The following KIAA1217 variants were observed in gnomAD, a reference collection of about 807,000 sequenced individuals.
KIAA1217 encodes KIAA1217, also known as sickle tail protein homolog.
Under a neutral mutation model 163.9 loss-of-function variants are expected in KIAA1217, and 88 were observed. The ratio of observed to expected loss-of-function variants is 0.54; its 90% CI spans 0.45 to 0.64. The LOEUF is 0.64. Ranked by LOEUF, KIAA1217 falls within the 30% of genes least tolerant of loss-of-function variation. The pLI is 0.00. For synonymous variants in KIAA1217, 903 were observed against 923.1 expected, an observed-to-expected ratio of 0.98 and a Z score of 0.39; for missense variants, 2,372 against 2,475.0, an observed-to-expected ratio of 0.96 and a Z score of 0.88.
At chr10:23,896,472 TAGAG>T (rs1369460918) in intron 1 of KIAA1217, among the ~76,000 whole-genome samples, 1 of 152,084 alleles carries the variant, frequency 6.6e-6, no homozygotes, top group Non-Finnish European at 1.5e-5. Flanking sequence ...AGGTGACTGA[TAGAG>T]ATCTTTCTGG....
At chr10:23,973,951 C>T in intron 1 of KIAA1217, among the ~76,000 whole-genome samples, 1 of 152,106 alleles carries the variant, frequency 6.6e-6, no homozygotes, top group East Asian at 1.9e-4. Flanking sequence ...AACCAAATAG[C>T]CCCCAAATAC....
At chr10:24,147,617 C>A (rs567545221) in intron 2 of KIAA1217, among the ~76,000 whole-genome samples, 1 of 151,696 alleles carries the variant, frequency 6.6e-6, no homozygotes, top group South Asian at 2.1e-4. Context: ...CCAAGGCGGG[C>A]GGATCATCTG....
chr10:23,791,455 A>G (rs190956555), intron 1 of KIAA1217, among the ~76,000 whole-genome samples: 105 of 152,342 alleles, frequency 6.9e-4, no homozygotes, highest in African/African-American at 2.4e-3. Flanking sequence ...TTAGAAATAT[A>G]TCACGAGAGG....
chr10:24,181,809 C>G (rs968649575), intron 2 of KIAA1217, among the ~76,000 whole-genome samples: 1 of 152,132 alleles, frequency 6.6e-6, no homozygotes, highest in African/African-American at 2.4e-5. Context: ...AAGGATGTCT[C>G]TGATTTTTGT....
intron 2 of KIAA1217, among the ~76,000 whole-genome samples, chr10:24,186,521 C>G (rs1266455169): frequency 5.3e-5 from 8 of 152,156 alleles, no homozygotes; most frequent in Admixed American, 3.3e-4. Context: ...ATACCTTTTC[C>G]TCTTCCAATT....
chr10:24,504,475 A>G (rs1370477480), intron 9 of KIAA1217, among the ~76,000 whole-genome samples: 2 of 152,196 alleles, frequency 1.3e-5, no homozygotes, highest in Non-Finnish European at 2.9e-5. Flanking sequence ...ACTTAAGACA[A>G]AAACAGCTTA....
At chr10:24,118,351 G>A in intron 2 of KIAA1217, among the ~76,000 whole-genome samples, 1 of 152,160 alleles carries the variant, frequency 6.6e-6, no homozygotes, top group Non-Finnish European at 1.5e-5. Context: ...GTTCTCTGTA[G>A]CGCAGAGACA....
At chr10:24,339,687 G>T (rs996660009) in intron 2 of KIAA1217, among the ~76,000 whole-genome samples, 1 of 152,226 alleles carries the variant, frequency 6.6e-6, no homozygotes, top group African/African-American at 2.4e-5. Flanking sequence ...GGGCTGCAGA[G>T]GTTGGTTAAC....
At chr10:24,475,703 G>A (rs1056316292) in intron 6 of KIAA1217, among the ~76,000 whole-genome samples, 8 of 152,166 alleles carry the variant, frequency 5.3e-5, no homozygotes, top group Non-Finnish European at 7.3e-5. Flanking sequence ...GACTCTTCCC[G>A]TCACTGCAGA....
intron 2 of KIAA1217, among the ~76,000 whole-genome samples, chr10:24,331,649 G>C (rs966905612): frequency 6.6e-6 from 1 of 152,214 alleles, no homozygotes; most frequent in Non-Finnish European, 1.5e-5. Context: ...GGCCAAGGAG[G>C]AGAAAGGACA....
At chr10:23,717,027 A>ACAC (rs1414785198) in intron 1 of KIAA1217, among the ~76,000 whole-genome samples, 2 of 152,174 alleles carry the variant, frequency 1.3e-5, no homozygotes, top group Non-Finnish European at 2.9e-5. Context: ...ACAGAAATCC[A>ACAC]TGTTAAACAA....
At chr10:24,118,151 TAA>T (rs75931103) in intron 2 of KIAA1217, among the ~76,000 whole-genome samples, 54 of 123,266 alleles carry the variant, frequency 4.4e-4, no homozygotes, top group Middle Eastern at 4.0e-3. Context: ...AAATAACGGT[TAA>T]AAAAAAAAAA....
At chr10:24,047,111 T>G (rs1467039877) in intron 2 of KIAA1217, among the ~76,000 whole-genome samples, 1 of 152,208 alleles carries the variant, frequency 6.6e-6, no homozygotes, top group African/African-American at 2.4e-5. Context: ...CACAAAACTG[T>G]AAATGCTCTT....
chr10:24,270,145 A>AT (rs541980686), intron 2 of KIAA1217, among the ~76,000 whole-genome samples: 172 of 152,292 alleles, frequency 1.1e-3, no homozygotes, highest in Middle Eastern at 3.4e-3. Context: ...ATATTCTTTG[A>AT]TTTTTTCAAA....
intron 17 of KIAA1217, among the ~76,000 whole-genome samples, chr10:24,537,871 C>T (rs952061969): frequency 1.3e-5 from 2 of 152,164 alleles, no homozygotes; most frequent in Non-Finnish European, 2.9e-5. Context: ...TCTAGGGAAA[C>T]GACCATAGCC....
intron 2 of KIAA1217, among the ~76,000 whole-genome samples, chr10:24,134,237 T>A (rs1401099154): frequency 6.6e-6 from 1 of 152,172 alleles, no homozygotes; most frequent in Non-Finnish European, 1.5e-5. Flanking sequence ...GAGAGGTGGC[T>A]GATGGTGCAT....
chr10:24,411,760 A>G (rs1370301695), intron 3 of KIAA1217, among the ~76,000 whole-genome samples: 1 of 152,150 alleles, frequency 6.6e-6, no homozygotes, highest in Non-Finnish European at 1.5e-5. Context: ...TAAAGCTCCA[A>G]CATGACTTTT....
intron 2 of KIAA1217, among the ~76,000 whole-genome samples, chr10:24,109,832 A>G (rs2062775647): frequency 6.6e-6 from 1 of 152,240 alleles, no homozygotes; most frequent in South Asian, 2.1e-4. Flanking sequence ...CAAAACGGAA[A>G]TAAAAATTCT....
chr10:24,252,092 C>A (rs1389779887), intron 2 of KIAA1217, among the ~76,000 whole-genome samples: 1 of 151,956 alleles, frequency 6.6e-6, no homozygotes, highest in Non-Finnish European at 1.5e-5. Context: ...ATGGTGGGAG[C>A]TGCTCGAGGA....
Sources: allele counts gnomAD v4.1 joint callset (sites outside exome capture counted in the v4.1 genomes callset), GRCh38; gene constraint gnomAD v4.1.1; transcripts MANE v1.5; gene names NCBI Gene and HGNC (gene_info 2026-07-23, HGNC 2026-07-21).